The following NRXN3 variants were observed in gnomAD, a reference collection of about 807,000 sequenced individuals.
NRXN3 encodes the protein neurexin III.
In NRXN3, 32 loss-of-function variants were observed where a neutral mutation model predicts 137.6. The ratio of observed to expected loss-of-function variants is 0.23; its 90% CI spans 0.18 to 0.31. The LOEUF is 0.31. Ranked by LOEUF, NRXN3 falls within the 10% of genes least tolerant of loss-of-function variation. The pLI, the probability that NRXN3 is intolerant of heterozygous loss-of-function variation, is 1.00. For missense variants in NRXN3, 1,574 were observed against 2,062.5 expected (o/e 0.76, Z 4.59); for synonymous variants, 798 against 784.5 (o/e 1.02, Z -0.29).
intron 15 of NRXN3, among the ~76,000 whole-genome samples, chr14:79,336,089 G>A (rs1048818906): frequency 1.3e-5 from 2 of 152,074 alleles, no homozygotes; most frequent in African/African-American, 4.8e-5. Context: ...AAAGTCTTTG[G>A]GGTAGCTTAC....
chr14:79,166,039 G>C (rs1332907618), intron 15 of NRXN3, among the ~76,000 whole-genome samples: 1 of 151,972 alleles, frequency 6.6e-6, no homozygotes, highest in African/African-American at 2.4e-5. Context: ...AAAAACGCAT[G>C]CCCTTCTACA....
chr14:78,446,224 A>T (rs1398230594), intron 4 of NRXN3, among the ~76,000 whole-genome samples: 1 of 152,176 alleles, frequency 6.6e-6, no homozygotes, highest in Non-Finnish European at 1.5e-5. Context: ...GGCTACTCCC[A>T]CAATTTAGCC....
At position 78,263,689 on chromosome 14, in the gene NRXN3, A is replaced by G. The variant is rs74065962; in HGVS notation, c.710-14956A>G. 5.0e-3 allele frequency among the ~76,000 whole-genome samples: 755 copies of G among 152,288 alleles called. 10 individuals carry two copies. The highest frequency in any genetic ancestry group is 0.017 in the African/African-American group (718 of 41,570). ...TCAGTTATTTTTCGTGTGCCTATCA[A>G]ATTTTACCGACACGGCTTCTACTAT... On this transcript the variant is annotated intron_variant, in intron 2 of 20. Coordinates refer to ENST00000335750, the MANE Select transcript of NRXN3 (RefSeq NM_001330195.2).
rs71131635 is a variant in NRXN3 at position 78,225,974 on chromosome 14, GGTGTGTGTGTGTGT to G, written c.-703-16386_-703-16373del. ...TTTGGTGTGTGTGTGTGTGTGTGTT[GGTGTGTGTGTGTGT>G]GTGTGTGTGTGTGTGTGTGTGTGTG... On this transcript the variant is annotated intron_variant, in intron 1 of 20. Coordinates refer to ENST00000335750, the MANE Select transcript of NRXN3 (RefSeq NM_001330195.2). 1.1e-4 allele frequency among the ~76,000 whole-genome samples: 14 copies of G among 123,716 alleles called. No homozygotes were observed. The East Asian group carries it at 1.7e-3, about 15-fold the overall frequency. The allele number at this position is 123,716 out of a possible 152,430, so 81.2% of individuals were successfully genotyped here.
At chr14:79,306,271 T>C (rs1031205034) in intron 15 of NRXN3, among the ~76,000 whole-genome samples, 1 of 152,086 alleles carries the variant, frequency 6.6e-6, no homozygotes, top group Non-Finnish European at 1.5e-5. Flanking sequence ...TCATTCCCCC[T>C]GAAGACAACG....
At chr14:79,261,934 C>T (rs781676376) in intron 15 of NRXN3, among the ~76,000 whole-genome samples, 35 of 151,982 alleles carry the variant, frequency 2.3e-4, no homozygotes, top group Middle Eastern at 3.4e-3. Flanking sequence ...TACTACCTGG[C>T]CTATTGTATG....
chr14:79,490,961 A>T (rs1020603923), intron 16 of NRXN3, among the ~76,000 whole-genome samples: 1 of 151,952 alleles, frequency 6.6e-6, no homozygotes, highest in African/African-American at 2.4e-5. Context: ...CCACAAATTT[A>T]AAAAAAATGA....
intron 4 of NRXN3, among the ~76,000 whole-genome samples, chr14:78,352,334 C>A (rs1393779334): frequency 6.6e-6 from 1 of 152,200 alleles, no homozygotes; most frequent in Admixed American, 6.5e-5. Flanking sequence ...ATGTTCCCAG[C>A]TCCTCTATAT....
At chr14:79,510,027 A>G (rs935028347) in intron 16 of NRXN3, among the ~76,000 whole-genome samples, 1 of 152,202 alleles carries the variant, frequency 6.6e-6, no homozygotes, top group Non-Finnish European at 1.5e-5. Context: ...GGGAATACCT[A>G]TGTACATCAC....
intron 4 of NRXN3, among the ~76,000 whole-genome samples, chr14:78,410,975 C>T (rs1481579663): frequency 6.6e-6 from 1 of 152,090 alleles, no homozygotes; most frequent in African/African-American, 2.4e-5. Context: ...GCTGGGTGAC[C>T]TTGGATAATT....
intron 19 of NRXN3, among the ~76,000 whole-genome samples, chr14:79,803,938 TATATATGTATATATATATAC>T (rs1259636210): frequency 1.4e-5 from 2 of 140,098 alleles, no homozygotes; most frequent in African/African-American, 5.2e-5. Flanking sequence ...TGTGTGTATA[TATATATGTATATATATATAC>T]ATATATATGT....
chr14:78,417,216 T>G (rs1406701360), intron 4 of NRXN3, among the ~76,000 whole-genome samples: 2 of 152,244 alleles, frequency 1.3e-5, no homozygotes, highest in East Asian at 3.9e-4. Context: ...CCTGCCCACC[T>G]GTCCAGCTTC....
At chr14:79,254,467 C>T (rs2076322248) in intron 15 of NRXN3, among the ~76,000 whole-genome samples, 1 of 152,130 alleles carries the variant, frequency 6.6e-6, no homozygotes, top group Admixed American at 6.5e-5. Context: ...AGAAATATTT[C>T]ACCTCTTCAC....
At chr14:79,630,808 G>C in intron 16 of NRXN3, among the ~76,000 whole-genome samples, 1 of 152,142 alleles carries the variant, frequency 6.6e-6, no homozygotes. Flanking sequence ...TACAATTATT[G>C]CTCAATGTTC....
At chr14:78,865,918 T>C (rs1342854256) in intron 10 of NRXN3, among the ~76,000 whole-genome samples, 1 of 152,176 alleles carries the variant, frequency 6.6e-6, no homozygotes, top group Non-Finnish European at 1.5e-5. Flanking sequence ...TAGAACATTA[T>C]TGTTAAATTA....
At chr14:79,612,820 T>C (rs1032476560) in intron 16 of NRXN3, among the ~76,000 whole-genome samples, 1 of 152,172 alleles carries the variant, frequency 6.6e-6, no homozygotes, top group African/African-American at 2.4e-5. Context: ...CACTGCAGCC[T>C]AACTGACAGA....
At chr14:78,367,895 C>T (rs927889833) in intron 4 of NRXN3, among the ~76,000 whole-genome samples, 2 of 152,154 alleles carry the variant, frequency 1.3e-5, no homozygotes, top group African/African-American at 2.4e-5. Context: ...TATTGTAATA[C>T]TTTAAAGACA....
chr14:79,234,314 A>AT (rs1555883743), intron 15 of NRXN3, among the ~76,000 whole-genome samples: 4 of 107,780 alleles, frequency 3.7e-5, no homozygotes, highest in African/African-American at 1.6e-4. Context: ...ATATATATAT[A>AT]TATATATATA....
At chr14:79,497,262 G>A (rs112047970) in intron 16 of NRXN3, among the ~76,000 whole-genome samples, 4 of 152,158 alleles carry the variant, frequency 2.6e-5, no homozygotes, top group African/African-American at 7.2e-5. Flanking sequence ...TCCTTTGTTC[G>A]TGAACAAAGG....
Sources: gnomAD v4.1 joint callset for allele counts (sites outside exome capture counted in the v4.1 genomes callset) on GRCh38, gnomAD v4.1.1 for gene constraint, MANE v1.5 for transcripts, NCBI Gene and HGNC (gene_info 2026-07-23, HGNC 2026-07-21) for gene names.